The following CHMP6 variants were observed in gnomAD, a reference collection of about 807,000 sequenced individuals.
CHMP6 encodes charged multivesicular body protein 6, also known as chromatin-modifying protein 6.
A neutral mutation model predicts 32.8 loss-of-function variants in CHMP6; 10 were observed. The ratio of observed to expected loss-of-function variants is 0.30; its 90% CI spans 0.19 to 0.52. The LOEUF (loss-of-function observed/expected upper bound fraction) is 0.52, where lower values mean the gene tolerates loss of function less well. Ranked by LOEUF, CHMP6 falls within the 20% of genes least tolerant of loss-of-function variation. The pLI is 0.97. For missense variants in CHMP6, 269 were observed against 263.8 expected (o/e 1.02, Z -0.14); for synonymous variants, 123 against 105.8 (o/e 1.16, Z -1.00).
Position 80,999,674 on chromosome 17 carries a change from T to C in CHMP6, c.*521T>C, listed in dbSNP as rs1128687. 51,674 of 154,150 alleles carry C rather than the reference T, an allele frequency of 0.34. 10,020 individuals carry two copies. Among genetic ancestry groups the C allele is most frequent in the Admixed American group, 0.43 (6,719 of 15,466 alleles). The allele number at this position is 154,150 out of a possible 1,614,324, so 9.5% of individuals were successfully genotyped here. ...GAGACCAGCATGTGCTGAACCTCTC[T>C]GTGCCTCTGCCTCCGCACCCTAGAC... is the stretch of plus-strand genomic sequence containing the variant. On this transcript the variant is annotated 3_prime_UTR_variant, in exon 8 of 8. Coordinates refer to ENST00000325167, the MANE Select transcript of CHMP6 (RefSeq NM_024591.5).
chr17:80,993,267 C>CTT (rs5822382), intron 1 of CHMP6, among the ~76,000 whole-genome samples: 91,485 of 149,748 alleles, frequency 0.61, 28,109 homozygotes, highest in African/African-American at 0.67. Context: ...CAAATGATTG[C>CTT]TTTTTTTTTT....
chr17:80,999,477 C>T lies in CHMP6; in HGVS notation c.*324C>T, dbSNP rs574620267. On this transcript the variant is annotated 3_prime_UTR_variant, in exon 8 of 8. Transcript: ENST00000325167. The stretch of plus-strand genomic sequence containing the variant: ...TGCTGTTCCCCTGCAGTCCCAGCCC[C>T]GCGTGGCTCGCGCTCGTCTGTGAGG... 13 of 330,404 alleles carry T rather than the reference C, an allele frequency of 3.9e-5. No individual in the cohort carries two copies. Among genetic ancestry groups the T allele is most frequent in the South Asian group, 1.4e-4 (4 of 28,760 alleles). The allele number at this position is 330,404 out of a possible 1,614,324, so 20.5% of individuals were successfully genotyped here.
At chr17:80,996,156 CTAA>C (rs941289071) in intron 4 of CHMP6, among the ~76,000 whole-genome samples, 3 of 152,056 alleles carry the variant, frequency 2.0e-5, no homozygotes, top group African/African-American at 7.3e-5. Context: ...CCTGTCTCTA[CTAA>C]TAATACAAAA....
Position 80,999,548 on chromosome 17 carries a change from C to G in CHMP6, c.*395C>G. ...GGTCCCCGCGCTTCCTCTTGCTCCT[C>G]GCTGCTCCCATTAGCTGGTGCAGGC... is the stretch of plus-strand genomic sequence containing the variant. On this transcript the variant is annotated 3_prime_UTR_variant, in exon 8 of 8. Coordinates refer to ENST00000325167, the MANE Select transcript of CHMP6 (RefSeq NM_024591.5). 5.1e-6 allele frequency: 1 copy of G among 194,864 alleles called. No individual in the cohort carries two copies. Among genetic ancestry groups the G allele is most frequent in the South Asian group, 9.5e-5 (1 of 10,472 alleles). 12.1% of individuals were successfully genotyped at this position (194,864 alleles called of 1,614,324 possible).
chr17:80,998,700 A>T (rs1051550678), intron 7 of CHMP6: 11 of 1,373,182 alleles, frequency 8.0e-6, no homozygotes, highest in Non-Finnish European at 9.4e-6. Flanking sequence ...GCACCAGCTC[A>T]TTCCCAGGGT....
intron 1 of CHMP6, 121 bp from the exon 2 acceptor site, chr17:80,994,460 C>A: frequency 1.3e-6 from 1 of 777,108 alleles, no homozygotes; most frequent in Non-Finnish European, 2.0e-6. Context: ...CCCTGGAAGG[C>A]AACCCTGCCC....
Position 80,995,698 on chromosome 17 carries a change from C to G in CHMP6, c.288C>G (p.Ile96Met), listed in dbSNP as rs148861093. Residue 96 changes from isoleucine to methionine, a missense_variant, in exon 4 of 8, where the codon ATC (isoleucine) becomes ATG (methionine). Transcript: ENST00000325167. ...AMVQSIEFTQ[I>M]EMKVMEGLQF... ...TTCAGAGTATTGAGTTCACCCAGAT[C>G]GAAATGAAAGTGATGGAGGGGCTGC... The G allele has an allele frequency of 1.2e-6, 2 of 1,614,054 alleles. No homozygotes were observed. Among genetic ancestry groups the G allele is most frequent in the Non-Finnish European group, 1.7e-6 (2 of 1,179,960 alleles).
At chr17:80,992,031 G>A in intron 1 of CHMP6, 50 bp downstream of exon 1, 2 of 1,264,262 alleles carry the variant, frequency 1.6e-6, no homozygotes, top group African/African-American at 1.6e-5. Flanking sequence ...AGGCGACGGG[G>A]CCGGGGCGGG....
intron 6 of CHMP6, among the ~76,000 whole-genome samples, chr17:80,997,762 G>T (rs1461782286): frequency 6.6e-6 from 1 of 152,082 alleles, no homozygotes; most frequent in Non-Finnish European, 1.5e-5. Context: ...CTCTCTGTGG[G>T]CCCCTGCCTC....
In CHMP6 at chr17:80,999,305, A is replaced by G; in HGVS notation, c.*152A>G. The G allele has an allele frequency of 1.3e-6, 1 of 764,666 alleles. No individual in the cohort carries two copies. The highest frequency in any genetic ancestry group is 1.7e-5 in the African/African-American group (1 of 57,678). 47.4% of individuals were successfully genotyped at this position (764,666 alleles called of 1,614,324 possible). A position where few individuals can be genotyped will look rare whatever the true frequency, so the allele number is the denominator to read the frequency against. On this transcript the variant is annotated 3_prime_UTR_variant, in exon 8 of 8. Coordinates refer to ENST00000325167, the MANE Select transcript of CHMP6 (RefSeq NM_024591.5). ...AGCCACGCAGGCGCATTGCAGGAGGACTCCAGAGCGTCTCCTGGAGACCTT... is the reference window on the plus strand; with the variant it reads ...AGCCACGCAGGCGCATTGCAGGAGGGCTCCAGAGCGTCTCCTGGAGACCTT...
At chr17:80,995,781 G>GAGCC (rs2069632874) in intron 4 of CHMP6, 23 bp downstream of exon 4, 3 of 1,609,180 alleles carry the variant, frequency 1.9e-6, no homozygotes, top group Middle Eastern at 1.7e-4. Flanking sequence ...AGGGCCAGGG[G>GAGCC]CATGGAGGTG....
At chr17:80,992,305 C>A (rs1297408703) in intron 1 of CHMP6, among the ~76,000 whole-genome samples, 1 of 151,932 alleles carries the variant, frequency 6.6e-6, no homozygotes, top group South Asian at 2.1e-4. Flanking sequence ...CACAGCCTGG[C>A]GGCCCGTCCG....
At chr17:80,997,779 C>G (rs958444997) in intron 6 of CHMP6, among the ~76,000 whole-genome samples, 1 of 152,216 alleles carries the variant, frequency 6.6e-6, no homozygotes, top group Admixed American at 6.5e-5. Flanking sequence ...CCTCAGTCCG[C>G]CAAATTCTCA....
At chr17:80,998,520 G>T (rs748460218) in intron 7 of CHMP6, 100 bp downstream of exon 7, 1 of 1,600,952 alleles carries the variant, frequency 6.2e-7, no homozygotes, top group Non-Finnish European at 8.5e-7. Context: ...TTCCTGGGCC[G>T]TGGGCAAGCC....
intron 1 of CHMP6, among the ~76,000 whole-genome samples, chr17:80,993,934 A>G (rs889865487): frequency 3.3e-5 from 5 of 150,650 alleles, no homozygotes; most frequent in Non-Finnish European, 7.4e-5. Context: ...TTTTTTTGAG[A>G]TGGAGTCTCA....
intron 6 of CHMP6, among the ~76,000 whole-genome samples, 180 bp downstream of exon 6, chr17:80,997,521 G>A (rs113478566): frequency 6.6e-6 from 1 of 151,984 alleles, no homozygotes; most frequent in Non-Finnish European, 1.5e-5. Flanking sequence ...CTCACCCAAC[G>A]GTCTGGTGCA....
chr17:80,993,078 C>G (rs528732292), intron 1 of CHMP6, among the ~76,000 whole-genome samples: 6 of 152,272 alleles, frequency 3.9e-5, no homozygotes, highest in African/African-American at 1.4e-4. Context: ...ACCCTGCCAG[C>G]CCCAAGGCAC....
chr17:80,994,944 C>T (rs1311280839), intron 2 of CHMP6, 75 bp from the exon 3 acceptor site: 71 of 1,096,892 alleles, frequency 6.5e-5, no homozygotes, highest in Non-Finnish European at 8.0e-5. Flanking sequence ...GCCCGGGCAG[C>T]GTGGGCACCC....
rs1351958784 is a variant in CHMP6 at position 80,994,999 on chromosome 17, T to C, written c.174-20T>C. On this transcript the variant is annotated intron_variant, in intron 2 of 7. Coordinates refer to ENST00000325167, the MANE Select transcript of CHMP6 (RefSeq NM_024591.5). ...CCCAGGCAGGGCCACAGCGGGTCAC[T>C]CTCGGGCTTCCCTCTGCAGACGGGC... 1 of 1,579,774 alleles carries C rather than the reference T, an allele frequency of 6.3e-7. No individual in the cohort carries two copies. Among genetic ancestry groups the C allele is most frequent in the African/African-American group, 1.3e-5 (1 of 74,462 alleles).
Sources: gnomAD v4.1 joint callset for allele counts (sites outside exome capture counted in the v4.1 genomes callset) on GRCh38, gnomAD v4.1.1 for gene constraint, MANE v1.5 for transcripts, NCBI Gene and HGNC (gene_info 2026-07-23, HGNC 2026-07-21) for gene names.